Variants in ZBTB7C observed in about 807,000 individuals in gnomAD.
ZBTB7C encodes zinc finger and BTB domain-containing protein 7C.
A neutral mutation model predicts 25.7 loss-of-function variants in ZBTB7C; 8 were observed. The observed-to-expected ratio is 0.31, with a 90% CI of 0.18 to 0.56. The LOEUF (loss-of-function observed/expected upper bound fraction) is 0.56, where lower values mean the gene tolerates loss of function less well. Ranked by LOEUF, ZBTB7C falls within the 20% of genes least tolerant of loss-of-function variation. The pLI is 0.91. For missense variants in ZBTB7C, 824 were observed against 855.2 expected (o/e 0.96, Z 0.46); for synonymous variants, 394 against 369.0 (o/e 1.07, Z -0.78).
In ZBTB7C at chr18:48,319,596, A is replaced by G. The variant is rs112654863; in HGVS notation, c.-79+18578T>C. Among the ~76,000 whole-genome samples, 1,045 of 152,350 alleles carry G rather than the reference A, an allele frequency of 6.9e-3. 9 individuals are homozygous for G. The highest frequency in any genetic ancestry group is 0.024 in the African/African-American group (1,001 of 41,578). On this transcript the variant is annotated intron_variant, in intron 2 of 4. Coordinates refer to ENST00000590800, the MANE Select transcript of ZBTB7C (RefSeq NM_001318841.2). ...AAGTGAAAAAGGCTGCAGTGATTAC[A>G]TACAGCATAACAGGCTTTGAACAAG...
At position 48,380,002 on chromosome 18, in the gene ZBTB7C, G is replaced by A. The variant is rs182618211; in HGVS notation, c.-304+29224C>T. The stretch of plus-strand genomic sequence containing the variant: ...ACTGTAACAGTGAATATAAGACAGA[G>A]AATAAGCATTTGTCAAAACCCACAG... On this transcript the variant is annotated intron_variant, in intron 1 of 4. Coordinates refer to ENST00000590800, the MANE Select transcript of ZBTB7C (RefSeq NM_001318841.2). Among the ~76,000 whole-genome samples the A allele has an allele frequency of 6.6e-5, 10 of 152,236 alleles. No individual in the cohort carries two copies. The South Asian group carries it at 1.7e-3, about 25-fold the overall frequency.
At chr18:48,052,011 T>C (rs1334646074) in intron 3 of ZBTB7C, among the ~76,000 whole-genome samples, 2 of 152,256 alleles carry the variant, frequency 1.3e-5, no homozygotes, top group East Asian at 3.8e-4. Flanking sequence ...CTTGTGTTTA[T>C]TACAGGCGAT....
At chr18:48,190,345 A>T (rs141026893) in intron 2 of ZBTB7C, among the ~76,000 whole-genome samples, 2 of 152,348 alleles carry the variant, frequency 1.3e-5, no homozygotes, top group East Asian at 3.9e-4. Context: ...CCACGTATGT[A>T]TCAGGTAGGT....
At chr18:48,104,751 A>T (rs562815431) in intron 3 of ZBTB7C, among the ~76,000 whole-genome samples, 37 of 152,328 alleles carry the variant, frequency 2.4e-4, no homozygotes, top group African/African-American at 8.7e-4. Flanking sequence ...CTCTCCCATC[A>T]GGTAGCAAGC....
chr18:48,202,880 AG>A (rs144455535), intron 2 of ZBTB7C, among the ~76,000 whole-genome samples: 12,337 of 152,072 alleles, frequency 0.081, 525 homozygotes, highest in Middle Eastern at 0.16. Flanking sequence ...GGAAGGGCTC[AG>A]GAGTTGGGCA....
chr18:48,385,822 G>C (rs1421830856), intron 1 of ZBTB7C, among the ~76,000 whole-genome samples: 1 of 152,174 alleles, frequency 6.6e-6, no homozygotes, highest in African/African-American at 2.4e-5. Context: ...CACACGACGT[G>C]CTGCTGGCAG....
intron 2 of ZBTB7C, among the ~76,000 whole-genome samples, chr18:48,308,971 C>T (rs933238055): frequency 2.6e-5 from 4 of 152,100 alleles, no homozygotes; most frequent in Non-Finnish European, 5.9e-5. Flanking sequence ...GGGCTGGGAC[C>T]CCAGGAGCCC....
At chr18:48,108,386 T>G (rs927648273) in intron 3 of ZBTB7C, among the ~76,000 whole-genome samples, 1 of 152,124 alleles carries the variant, frequency 6.6e-6, no homozygotes, top group Middle Eastern at 3.2e-3. Flanking sequence ...TCCAGAGGGC[T>G]CAGAACCAAC....
chr18:48,357,912 G>A (rs1242584508), intron 1 of ZBTB7C, among the ~76,000 whole-genome samples: 1 of 152,192 alleles, frequency 6.6e-6, no homozygotes, highest in Non-Finnish European at 1.5e-5. Context: ...ATCTCATGTT[G>A]ACATGTAATC....
intron 3 of ZBTB7C, among the ~76,000 whole-genome samples, chr18:48,075,878 C>T (rs369991892): frequency 5.1e-4 from 77 of 152,310 alleles, no homozygotes; most frequent in African/African-American, 1.7e-3. Context: ...CTCCCAAATC[C>T]GCTCTCCTAG....
At chr18:48,303,912 G>A (rs1372053275) in intron 2 of ZBTB7C, among the ~76,000 whole-genome samples, 2 of 152,324 alleles carry the variant, frequency 1.3e-5, no homozygotes, top group East Asian at 3.9e-4. Context: ...GATAAGAGTA[G>A]CAAGGCTTTA....
chr18:48,032,121 T>C (rs2035777039), intron 4 of ZBTB7C, among the ~76,000 whole-genome samples: 1 of 152,128 alleles, frequency 6.6e-6, no homozygotes, highest in African/African-American at 2.4e-5. Context: ...TATTTTTATT[T>C]TTATTTTTTT....
intron 2 of ZBTB7C, among the ~76,000 whole-genome samples, chr18:48,188,066 T>C (rs2042106209): frequency 6.6e-6 from 1 of 152,190 alleles, no homozygotes; most frequent in South Asian, 2.1e-4. Flanking sequence ...ACCTCCACAC[T>C]GTTTCTCTGC....
intron 2 of ZBTB7C, among the ~76,000 whole-genome samples, chr18:48,308,398 C>T (rs1296331178): frequency 6.6e-6 from 1 of 152,126 alleles, no homozygotes. Context: ...TCCCACCTTT[C>T]CACTTTTGGG....
chr18:48,257,429 A>AAAAAAAAAT (rs2044052068), intron 2 of ZBTB7C, among the ~76,000 whole-genome samples: 1 of 152,188 alleles, frequency 6.6e-6, no homozygotes, highest in Non-Finnish European at 1.5e-5. Flanking sequence ...AAACTTTCCC[A>AAAAAAAAAT]TAAAGAAAAT....
chr18:48,188,826 C>G (rs1056383669), intron 2 of ZBTB7C, among the ~76,000 whole-genome samples: 20 of 152,262 alleles, frequency 1.3e-4, no homozygotes, highest in Admixed American at 1.3e-4. Flanking sequence ...CTAGAAAGCC[C>G]CTTCCTGTGC....
At chr18:48,142,363 G>A (rs1322037708) in intron 3 of ZBTB7C, among the ~76,000 whole-genome samples, 2 of 152,210 alleles carry the variant, frequency 1.3e-5, no homozygotes, top group Non-Finnish European at 2.9e-5. Context: ...GCCGGTGCTT[G>A]TCTGGGGCCC....
Position 48,029,281 on chromosome 18 carries a change from G to C in ZBTB7C, c.1839C>G (p.Ser613=), listed in dbSNP as rs1323176477. The change falls in exon 5 of 5, where the codon TCC becomes TCG. Residue 613 remains serine (S), a synonymous_variant. Coordinates refer to ENST00000590800, the MANE Select transcript of ZBTB7C (RefSeq NM_001318841.2). ...PGLAGLNHVA[S]MSEANN ...CAGCCTAGTTGTTGGCTTCGGACAT[G>C]GAGGCCACGTGGTTGAGGCCGGCGA... 1 of 1,538,348 alleles carries C rather than the reference G, an allele frequency of 6.5e-7. No homozygotes were observed. Among genetic ancestry groups the C allele is most frequent in the Non-Finnish European group, 8.7e-7 (1 of 1,148,776 alleles).
chr18:48,342,000 G>T (rs924800049), intron 1 of ZBTB7C, among the ~76,000 whole-genome samples: 1 of 152,206 alleles, frequency 6.6e-6, no homozygotes, highest in African/African-American at 2.4e-5. Context: ...CTCAGGCAGG[G>T]ACAGTGCCCT....
Sources: gnomAD v4.1 joint callset for allele counts (sites outside exome capture counted in the v4.1 genomes callset) on GRCh38, gnomAD v4.1.1 for gene constraint, MANE v1.5 for transcripts, NCBI Gene and HGNC (gene_info 2026-07-23, HGNC 2026-07-21) for gene names.